ZFP36L2: variants seen among roughly 807,000 people sequenced by gnomAD.
ZFP36L2 encodes mRNA decay activator protein ZFP36L2.
A neutral mutation model predicts 27.9 loss-of-function variants in ZFP36L2; 16 were observed. That is an observed-to-expected ratio of 0.57 (90% CI 0.39 to 0.87). The LOEUF is 0.87. Ranked by LOEUF, ZFP36L2 falls within the 40% of genes least tolerant of loss-of-function variation. The probability of loss-of-function intolerance (pLI) is 0.00; values close to 1 mark genes in which losing one functional copy is unlikely to be tolerated. For missense variants in ZFP36L2, 989 were observed against 726.9 expected (o/e 1.36, Z -4.15); for synonymous variants, 600 against 363.8 (o/e 1.65, Z -7.39).
chr2:43,225,571 A>T lies in ZFP36L2; in HGVS notation c.233T>A (p.Phe78Tyr). 6.4e-7 allele frequency: 1 copy of T among 1,566,094 alleles called. No homozygotes were observed. The change falls in exon 2 of 2, where the codon TTC (phenylalanine) becomes TAC (tyrosine). Residue 78 changes from phenylalanine (F) to tyrosine (Y), a missense_variant. By Grantham distance (22) the Phe-to-Tyr change is conservative. Transcript: ENST00000282388. ...APSPGSCSPK[F>Y]PGAANGSSCG... ...GCTGCTGCCGTTAGCGGCGCCCGGGAACTTGGGCGAGCAGCTGCCGGGGCT... is the reference window on the plus strand; with the variant it reads ...GCTGCTGCCGTTAGCGGCGCCCGGGTACTTGGGCGAGCAGCTGCCGGGGCT...
In ZFP36L2 at chr2:43,224,923, G is replaced by C. The variant is rs368633010; in HGVS notation, c.881C>G (p.Ser294Cys). 1.9e-6 allele frequency: 3 copies of C among 1,552,138 alleles called. No individual in the cohort carries two copies. Among genetic ancestry groups the C allele is most frequent in the African/African-American group, 2.9e-5 (2 of 69,446 alleles). The change falls in exon 2 of 2, where the codon TCT becomes TGT. Residue 294 changes from serine (S) to cysteine (C), a missense_variant. By Grantham distance (112) the Ser-to-Cys change is moderately radical (BLOSUM62 -1). Transcript: ENST00000282388. The stretch of plus-strand genomic sequence containing the variant: ...GGAGGAGGAGCAGGACGAGGCCGAA[G>C]AGCAGGAGGGCGGCGGCGGCGTGCG... The part of the protein sequence containing the change: ...TSRTPPPPSC[S>C]SASSCSSSAS...
At position 43,224,787 on chromosome 2, in the gene ZFP36L2, G is replaced by A. The variant is rs1310928746; in HGVS notation, c.1017C>T (p.Gly339=). Residue 339 remains glycine, a synonymous_variant, in exon 2 of 2, where the codon GGC becomes GGT. Transcript: ENST00000282388. ...CCCCCGGCGCCAGCAGGTCCTCGGC[G>A]CCCCCGGTGCCGTACAGCAGAGCGG... The part of the protein sequence containing the change: ...AAAALLYGTG[G]AEDLLAPGAP... The A allele has an allele frequency of 9.7e-6, 14 of 1,450,296 alleles. No individual in the cohort carries two copies. Among genetic ancestry groups the A allele is most frequent in the African/African-American group, 8.8e-5 (6 of 68,352 alleles). 89.8% of individuals were successfully genotyped at this position (1,450,296 alleles called of 1,614,324 possible). A position where few individuals can be genotyped will look rare whatever the true frequency, so the allele number is the denominator to read the frequency against.
rs1164060943 is a variant in ZFP36L2, at chr2:43,224,559, C to A, written c.1245G>T (p.Ala415=). 3.7e-6 allele frequency: 5 copies of A among 1,362,656 alleles called. 1 individual carries two copies. In the South Asian group the frequency reaches 7.2e-5, roughly 20 times the overall value. 84.4% of individuals were successfully genotyped at this position (1,362,656 alleles called of 1,614,324 possible). A position where few individuals can be genotyped will look rare whatever the true frequency, so the allele number is the denominator to read the frequency against. The change falls in exon 2 of 2, where the codon GCG becomes GCT. Residue 415 remains alanine (A), a synonymous_variant. Coordinates refer to ENST00000282388, the MANE Select transcript of ZFP36L2 (RefSeq NM_006887.5). ...PPAQPPAPPS[A]TLPAGAAAPP... ...GTGCGGCGGCCCCGGCGGGGAGGGT[C>A]GCGCTGGGCGGCGCCGGCGGCTGCG...
rs1478246837 is a variant in ZFP36L2 at position 43,224,454 on chromosome 2, C to T, written c.1350G>A (p.Pro450=). 3.5e-5 allele frequency: 53 copies of T among 1,521,808 alleles called. No homozygotes were observed. The highest frequency in any genetic ancestry group is 3.9e-5 in the Non-Finnish European group (44 of 1,140,462). 94.3% of individuals were successfully genotyped at this position (1,521,808 alleles called of 1,614,324 possible). A position where few individuals can be genotyped will look rare whatever the true frequency, so the allele number is the denominator to read the frequency against. Residue 450 remains proline, a synonymous_variant, in exon 2 of 2, where the codon CCG becomes CCA. Transcript: ENST00000282388. ...SPVFDAPPSP[P]DSLSDRDSYL... ...AGCTGTCGCGGTCCGACAGCGAGTC[C>T]GGGGGGCTGGGGGGCGCGTCGAACA... is the stretch of plus-strand genomic sequence containing the variant.
Position 43,226,475 on chromosome 2 carries a change from CGGGCCGGCGGGAG to C in ZFP36L2, c.-173_-161del, listed in dbSNP as rs950502349. 4.1e-5 allele frequency: 36 copies of C among 871,778 alleles called. No homozygotes were observed. The highest frequency in any genetic ancestry group is 6.8e-4 in the Middle Eastern group (2 of 2,940). 54.0% of individuals were successfully genotyped at this position (871,778 alleles called of 1,614,324 possible). Reference sequence around the variant, plus strand: ...AGAGGAGAGGGCGAGTGCAGCGGCGCGGGCCGGCGGGAGGGTCCGGCGGAGTGCGGCAGGGGGG... The same window carrying C: ...AGAGGAGAGGGCGAGTGCAGCGGCGCGGTCCGGCGGAGTGCGGCAGGGGGG... On this transcript the variant is annotated 5_prime_UTR_variant, in exon 1 of 2. Coordinates refer to ENST00000282388, the MANE Select transcript of ZFP36L2 (RefSeq NM_006887.5).
chr2:43,224,867 A>T lies in ZFP36L2; in HGVS notation c.937T>A (p.Ser313Thr). 2.0e-6 allele frequency: 3 copies of T among 1,493,464 alleles called. No individual in the cohort carries two copies. The East Asian group carries it at 8.3e-5, about 42-fold the overall frequency. 92.5% of individuals were successfully genotyped at this position (1,493,464 alleles called of 1,614,324 possible). ...ASSCSSASAA[S>T]TPSGAPTCCA... ...CATGTCGGGGCGCCCGAGGGCGTGG[A>T]GGCCGCGGAGGCCGAGGAACAGGAG... Residue 313 changes from serine to threonine, a missense_variant, in exon 2 of 2, where the codon TCC becomes ACC. Transcript: ENST00000282388.
rs201963284 is a variant in ZFP36L2 at position 43,225,618 on chromosome 2, A to T, written c.186T>A (p.His62Gln). ...GGCTGGGCGCGGGGTGGGCGAGTGC[A>T]TGCAGGTTGCTGGCCGAGTGCCGTC... ...FLRRHSASNL[H>Q]ALAHPAPSPG... Residue 62 changes from histidine (H) to glutamine (Q), a missense_variant, in exon 2 of 2, where the codon CAT (histidine) becomes CAA (glutamine). His to Gln is a conservative substitution (Grantham distance 24). Coordinates refer to ENST00000282388, the MANE Select transcript of ZFP36L2 (RefSeq NM_006887.5). The T allele has an allele frequency of 6.4e-7, 1 of 1,564,936 alleles. No homozygotes were observed.
rs753711537 is a variant in ZFP36L2 at position 43,224,904 on chromosome 2, G to A, written c.900C>T (p.Ser300=). The change falls in exon 2 of 2, where the codon TCC becomes TCT. Residue 300 remains serine (S), a synonymous_variant. Transcript: ENST00000282388. ...PPSCSSASSC[S]SSASSCSSAS... is the part of the protein sequence containing the mutation. ...CCGAGGAACAGGAGGAGGCGGAGGA[G>A]GAGCAGGACGAGGCCGAAGAGCAGG... The A allele has an allele frequency of 2.6e-6, 4 of 1,542,364 alleles. No individual in the cohort carries two copies. The highest frequency in any genetic ancestry group is 2.1e-5 in the Admixed American group (1 of 48,768).
At position 43,225,665 on chromosome 2, in the gene ZFP36L2, C is replaced by T. The variant is rs1251059925; in HGVS notation, c.139G>A (p.Gly47Ser). Residue 47 changes from glycine to serine, a missense_variant, in exon 2 of 2, where the codon GGC becomes AGC. Coordinates refer to ENST00000282388, the MANE Select transcript of ZFP36L2 (RefSeq NM_006887.5). ...CGTCGGAGGAATCCCGGCGCGAAGC[C>T]CGAGCTGGGGGCGGCGGCCACAGGC... ...GTPVAAAPSS[G>S]FAPGFLRRHS... 2.5e-6 allele frequency: 4 copies of T among 1,589,522 alleles called. No individual in the cohort carries two copies. Among genetic ancestry groups the T allele is most frequent in the Admixed American group, 1.7e-5 (1 of 58,830 alleles).
chr2:43,225,869 C>A, intron 1 of ZFP36L2, 117 bp from the exon 2 acceptor site: 5 of 1,116,414 alleles, frequency 4.5e-6, no homozygotes, highest in Admixed American at 2.7e-5. Context: ...CCACTCTTGG[C>A]GGATCCCGAC....
rs1336333946 is a variant in ZFP36L2, at chr2:43,224,067, CT to C, written c.*251del. The C allele has an allele frequency of 3.3e-5, 12 of 363,982 alleles. No individual in the cohort carries two copies. Among genetic ancestry groups the C allele is most frequent in the Non-Finnish European group, 1.4e-5 (3 of 207,174 alleles). 22.5% of individuals were successfully genotyped at this position (363,982 alleles called of 1,614,324 possible). A position where few individuals can be genotyped will look rare whatever the true frequency, so the allele number is the denominator to read the frequency against. On this transcript the variant is annotated 3_prime_UTR_variant, in exon 2 of 2. Transcript: ENST00000282388. ...ATTTTGTTCAACAGAAAAAGTTCGA[CT>C]TTTTTGCTCAAAAAGAATGAAACTT...
At position 43,226,376 on chromosome 2, in the gene ZFP36L2, C is replaced by T. The variant is rs923636776; in HGVS notation, c.-61G>A. ...GGGAGGTCGGGAGGAGCCCTTGGGG[C>T]GGCGTGGCCGGGCTTGAGCCACGAC... On this transcript the variant is annotated 5_prime_UTR_variant, in exon 1 of 2. Transcript: ENST00000282388. The T allele has an allele frequency of 9.7e-6, 15 of 1,546,896 alleles. No individual in the cohort carries two copies. The highest frequency in any genetic ancestry group is 4.9e-5 in the East Asian group (2 of 40,716).
rs1018198148 is a variant in ZFP36L2 at position 43,222,413 on chromosome 2, C to T, written c.*1906G>A. On this transcript the variant is annotated 3_prime_UTR_variant, in exon 2 of 2. Transcript: ENST00000282388. Reference sequence around the variant, plus strand: ...CTCTTACATGTTAATACCTTTTTTTCCCAAAAATTTTATTGGGGGAAAACT... The same window carrying T: ...CTCTTACATGTTAATACCTTTTTTTTCCAAAAATTTTATTGGGGGAAAACT... 3.9e-5 allele frequency: 6 copies of T among 152,034 alleles called. No homozygotes were observed. Among genetic ancestry groups the T allele is most frequent in the Non-Finnish European group, 8.8e-5 (6 of 67,938 alleles). 9.4% of individuals were successfully genotyped at this position (152,034 alleles called of 1,614,324 possible).
Position 43,224,761 on chromosome 2 carries a change from GC to G in ZFP36L2, c.1042del (p.Ala348ProfsTer113). On this transcript the variant is annotated frameshift_variant, in exon 2 of 2. Coordinates refer to ENST00000282388, the MANE Select transcript of ZFP36L2 (RefSeq NM_006887.5). LOFTEE classifies it high-confidence loss of function. Reference sequence around the variant, plus strand: ...GGCCGACGAGCAGGCCGCGCACGGGGCCCCCGGCGCCAGCAGGTCCTCGGCG... The same window carrying G: ...GGCCGACGAGCAGGCCGCGCACGGGGCCCCGGCGCCAGCAGGTCCTCGGCG... ...GGAEDLLAPG[A>X]PCAACSSASC... 2.6e-5 allele frequency: 39 copies of G among 1,490,438 alleles called. No individual in the cohort carries two copies. The highest frequency in any genetic ancestry group is 2.0e-4 in the Middle Eastern group (1 of 4,900). 92.3% of individuals were successfully genotyped at this position (1,490,438 alleles called of 1,614,324 possible).
rs368634680 is a variant in ZFP36L2 at position 43,226,207 on chromosome 2, G to A, written c.51+58C>T. The A allele has an allele frequency of 8.4e-6, 13 of 1,550,296 alleles. No individual in the cohort carries two copies. The East Asian group carries it at 3.2e-4, about 38-fold the overall frequency. On this transcript the variant is annotated intron_variant, in intron 1 of 1. Coordinates refer to ENST00000282388, the MANE Select transcript of ZFP36L2 (RefSeq NM_006887.5). ...GGGCGTCCCCCAGAACCTGGGGACAGAGGCAAAGTCCAAGAACTACAACGG... is the reference window on the plus strand; with the variant it reads ...GGGCGTCCCCCAGAACCTGGGGACAAAGGCAAAGTCCAAGAACTACAACGG...
In ZFP36L2 at chr2:43,223,980, AAAGTTT is replaced by A. The variant is rs1367681947; in HGVS notation, c.*333_*338del. ...GTCCCAAACTCATCGGAGTCCTAACAAAGTTTAAGTGTTTTTTTTTTTTTTTTGTTC... is the reference window on the plus strand; with the variant it reads ...GTCCCAAACTCATCGGAGTCCTAACAAAGTGTTTTTTTTTTTTTTTTGTTC... On this transcript the variant is annotated 3_prime_UTR_variant, in exon 2 of 2. Transcript: ENST00000282388. 4.2e-4 allele frequency: 89 copies of A among 211,412 alleles called. No individual in the cohort carries two copies. The highest frequency in any genetic ancestry group is 1.6e-3 in the African/African-American group (69 of 42,534). The allele number at this position is 211,412 out of a possible 1,614,324, so 13.1% of individuals were successfully genotyped here.
intron 1 of ZFP36L2, 46 bp from the exon 2 acceptor site, chr2:43,225,798 AAGAC>A: frequency 1.3e-6 from 2 of 1,543,566 alleles, no homozygotes; most frequent in Non-Finnish European, 1.7e-6. Flanking sequence ...ACGGAAGGGG[AAGAC>A]AGACTCGGGG....
In ZFP36L2 at chr2:43,224,393, C is replaced by G. The variant is rs757197695; in HGVS notation, c.1411G>C (p.Gly471Arg). ...SGSLSSGSLS[G>R]SESPSLDPGR... Reference sequence around the variant, plus strand: ...GGGTCGAGGCTGGGAGACTCAGAGCCGCTGAGGCTGCCGGAGCTCAGGGAG... The same window carrying G: ...GGGTCGAGGCTGGGAGACTCAGAGCGGCTGAGGCTGCCGGAGCTCAGGGAG... Residue 471 changes from glycine (G) to arginine (R), a missense_variant, in exon 2 of 2, where the codon GGC (glycine) becomes CGC (arginine). Physicochemically the swap from Gly to Arg is moderately radical, Grantham distance 125. Transcript: ENST00000282388. 1.3e-6 allele frequency: 2 copies of G among 1,562,370 alleles called. No individual in the cohort carries two copies. The highest frequency in any genetic ancestry group is 1.2e-5 in the South Asian group (1 of 86,908).
At position 43,224,677 on chromosome 2, in the gene ZFP36L2, A is replaced by C; in HGVS notation, c.1127T>G (p.Leu376Arg). Residue 376 changes from leucine (L) to arginine (R), a missense_variant, in exon 2 of 2, where the codon CTC (leucine) becomes CGC (arginine). Transcript: ENST00000282388. ...GGCAAAGTTGTGGGTCTGGATGGCGAGCGGCGTGATGAGGCTGCTGAGCTC... is the reference window on the plus strand; with the variant it reads ...GGCAAAGTTGTGGGTCTGGATGGCGCGCGGCGTGATGAGGCTGCTGAGCTC... The part of the protein sequence containing the change: ...GPELSSLITP[L>R]AIQTHNFAAV... 1 of 1,539,470 alleles carries C rather than the reference A, an allele frequency of 6.5e-7. No homozygotes were observed. The highest frequency in any genetic ancestry group is 8.7e-7 in the Non-Finnish European group (1 of 1,148,326).
Sources: allele counts gnomAD v4.1 joint callset, GRCh38; gene constraint gnomAD v4.1.1; transcripts MANE v1.5; gene names NCBI Gene and HGNC (gene_info 2026-07-23, HGNC 2026-07-21).